Variants in KRT4 observed in about 807,000 individuals in gnomAD.
KRT4 encodes keratin, type II cytoskeletal 4.
A neutral mutation model predicts 50.6 loss-of-function variants in KRT4; 47 were observed. The ratio of observed to expected loss-of-function variants is 0.93; its 90% CI spans 0.73 to 1.18. KRT4 has a LOEUF of 1.18. Among genes scored for constraint, KRT4 ranks in the 50% most tolerant of loss-of-function variants. The probability of loss-of-function intolerance (pLI) is 0.00; values close to 1 mark genes in which losing one functional copy is unlikely to be tolerated. For synonymous variants in KRT4, 254 were observed against 251.2 expected, an observed-to-expected ratio of 1.01 and a Z score of -0.10; for missense variants, 651 against 645.7, an observed-to-expected ratio of 1.01 and a Z score of -0.09.
intron 5 of KRT4, 77 bp from the exon 6 acceptor site, chr12:52,808,496 G>T (rs1032848652): frequency 1.3e-6 from 2 of 1,597,762 alleles, no homozygotes; most frequent in African/African-American, 1.3e-5. Flanking sequence ...AACTCAGTGA[G>T]AATTGCCACA....
In KRT4 at chr12:52,806,932, G is replaced by C. The variant is rs1939806083; in HGVS notation, c.*137C>G. 2.3e-6 allele frequency: 2 copies of C among 852,590 alleles called. No individual in the cohort carries two copies. The highest frequency in any genetic ancestry group is 1.9e-6 in the Non-Finnish European group (1 of 517,372). 52.8% of individuals were successfully genotyped at this position (852,590 alleles called of 1,614,324 possible). On this transcript the variant is annotated 3_prime_UTR_variant, in exon 9 of 9. Transcript: ENST00000551956. ...GCACAGAAGATCATCCTGGGGCAGA[G>C]AGAGCCCATGGGATAGTGGAGGGGA...
rs529778962 is a variant in KRT4 at position 52,810,833 on chromosome 12, G to A, written c.678-17C>T. On this transcript the variant is annotated splice_polypyrimidine_tract_variant and intron_variant, in intron 2 of 8. Coordinates refer to ENST00000551956, the MANE Select transcript of KRT4 (RefSeq NM_002272.4). Reference sequence around the variant, plus strand: ...TCTTCATACCTGGGGGTGGGCACGGGGAGAAAAAGACAAAAACCCACAGTG... The same window carrying A: ...TCTTCATACCTGGGGGTGGGCACGGAGAGAAAAAGACAAAAACCCACAGTG... 6.6e-5 allele frequency: 107 copies of A among 1,610,314 alleles called. 1 individual carries two copies. In the South Asian group the frequency reaches 1.1e-3, roughly 16 times the overall value.
chr12:52,813,056 C>T (rs1274541333), intron 1 of KRT4, among the ~76,000 whole-genome samples: 1 of 152,154 alleles, frequency 6.6e-6, no homozygotes, highest in Non-Finnish European at 1.5e-5. Context: ...AGAAAAGAGA[C>T]CTGTCTCCTT....
rs1360649684 is a variant in KRT4, at chr12:52,807,742, T to C, written c.1248A>G (p.Ala416=). 16 of 1,614,080 alleles carry C rather than the reference T, an allele frequency of 9.9e-6. No individual in the cohort carries two copies. Among genetic ancestry groups the C allele is most frequent in the Non-Finnish European group, 1.4e-5 (16 of 1,180,042 alleles). ...AALQQAKEEL[A]RMLREYQELM... ...GCTCCTGGTACTCACGCAGCATTCG[T>C]GCCAGCTCCTCCTTGGCCTGCTGCA... Residue 416 remains alanine (A), a synonymous_variant, in exon 7 of 9, where the codon GCA becomes GCG. Coordinates refer to ENST00000551956, the MANE Select transcript of KRT4 (RefSeq NM_002272.4).
chr12:52,809,363 G>A lies in KRT4; in HGVS notation c.834+20C>T, dbSNP rs773071573. On this transcript the variant is annotated intron_variant, in intron 4 of 8. Coordinates refer to ENST00000551956, the MANE Select transcript of KRT4 (RefSeq NM_002272.4). ...GGGGGATTCCCTTTCCCTGGATGGAGGGGAGGATGGAGCCCTCACCGCATC... is the reference window on the plus strand; with the variant it reads ...GGGGGATTCCCTTTCCCTGGATGGAAGGGAGGATGGAGCCCTCACCGCATC... 39 of 1,557,392 alleles carry A rather than the reference G, an allele frequency of 2.5e-5. No homozygotes were observed. The highest frequency in any genetic ancestry group is 1.7e-4 in the Middle Eastern group (1 of 5,962).
At chr12:52,807,509 A>T in intron 7 of KRT4, 116 bp from the exon 8 acceptor site, 1 of 1,490,050 alleles carries the variant, frequency 6.7e-7, no homozygotes, top group Non-Finnish European at 9.3e-7. Context: ...GCCCAGTGTG[A>T]ACCTATTAGC....
intron 3 of KRT4, 123 bp downstream of exon 3, chr12:52,810,633 T>C (rs781098959): frequency 4.9e-6 from 4 of 822,006 alleles, no homozygotes; most frequent in East Asian, 2.5e-5. Context: ...TATATAGATC[T>C]AGATAGTTCC....
In KRT4 at chr12:52,810,764, G is replaced by C; in HGVS notation, c.730C>G (p.Leu244Val). The C allele has an allele frequency of 6.2e-7, 1 of 1,614,032 alleles. No homozygotes were observed. The change falls in exon 3 of 9, where the codon CTA becomes GTA. Residue 244 changes from leucine to valine, a missense_variant. By Grantham distance (32) the Leu-to-Val change is conservative. Coordinates refer to ENST00000551956, the MANE Select transcript of KRT4 (RefSeq NM_002272.4). ...RTAAENDFVV[L>V]KKDVDAAYLN... The stretch of plus-strand genomic sequence containing the variant: ...CATCCTTCGTCTCTTACCTTCTTTA[G>C]GACCACAAAGTCATTCTCGGCTGCT...
chr12:52,809,778 AT>A (rs1223538031), intron 3 of KRT4, among the ~76,000 whole-genome samples: 1 of 152,246 alleles, frequency 6.6e-6, no homozygotes, highest in Non-Finnish European at 1.5e-5. Context: ...AAAAGAAATC[AT>A]TGTAACAAAA....
intron 2 of KRT4, 56 bp downstream of exon 2, chr12:52,811,707 C>G (rs1939913323): frequency 2.8e-6 from 4 of 1,432,638 alleles, no homozygotes; most frequent in Non-Finnish European, 3.9e-6. Context: ...CCCCGGGAGC[C>G]TGGGTGTGGC....
chr12:52,811,614 G>C, intron 2 of KRT4, 149 bp downstream of exon 2: 1 of 675,758 alleles, frequency 1.5e-6, no homozygotes, highest in Non-Finnish European at 2.6e-6. Context: ...CTGAGAAAAC[G>C]TGACTATGTG....
At chr12:52,807,606 C>T in intron 7 of KRT4, 38 bp downstream of exon 7, 1 of 1,605,502 alleles carries the variant, frequency 6.2e-7, no homozygotes, top group Non-Finnish European at 8.5e-7. Flanking sequence ...CCCTGGACCT[C>T]TCTGGCCCTC....
rs184528669 is a variant in KRT4, at chr12:52,809,129, C to T, written c.834+254G>A. On this transcript the variant is annotated intron_variant, in intron 4 of 8. Transcript: ENST00000551956. ...GATCCATTTCACCAGAAAAAAAATG[C>T]TAGACAGCAATGAATTCTATTCCAA... The T allele has an allele frequency of 1.4e-5, 9 of 620,984 alleles. No individual in the cohort carries two copies. The East Asian group carries it at 2.2e-4, about 15-fold the overall frequency. The allele number at this position is 620,984 out of a possible 1,614,324, so 38.5% of individuals were successfully genotyped here.
rs1939802309 is a variant in KRT4, at chr12:52,806,721, G to A, written c.*348C>T. On this transcript the variant is annotated 3_prime_UTR_variant, in exon 9 of 9. Transcript: ENST00000551956. Reference sequence around the variant, plus strand: ...AGATGGATAATACAGGATCTAGTGGGAGATGGCATTGGACTGGGAAGGGAC... The same window carrying A: ...AGATGGATAATACAGGATCTAGTGGAAGATGGCATTGGACTGGGAAGGGAC... The A allele has an allele frequency of 5.3e-6, 2 of 378,366 alleles. No homozygotes were observed. Among genetic ancestry groups the A allele is most frequent in the African/African-American group, 4.2e-5 (2 of 48,188 alleles). 23.4% of individuals were successfully genotyped at this position (378,366 alleles called of 1,614,324 possible). A position where few individuals can be genotyped will look rare whatever the true frequency, so the allele number is the denominator to read the frequency against.
At position 52,811,969 on chromosome 12, in the gene KRT4, G is replaced by C. The variant is rs1939920729; in HGVS notation, c.471C>G (p.Phe157Leu). The change falls in exon 2 of 9, where the codon TTC becomes TTG. Residue 157 changes from phenylalanine to leucine, a missense_variant. Physicochemically the swap from Phe to Leu is conservative, Grantham distance 22. Transcript: ENST00000551956. ...KFASFIDKVQ[F>L]LEQQNKVLET... ...CCAGGACCTTATTCTGTTGCTCTAAGAACTGCACCTGTGTTGATAAAGGCA... is the reference window on the plus strand; with the variant it reads ...CCAGGACCTTATTCTGTTGCTCTAACAACTGCACCTGTGTTGATAAAGGCA... The C allele has an allele frequency of 3.7e-6, 6 of 1,613,274 alleles. No individual in the cohort carries two copies. The highest frequency in any genetic ancestry group is 2.7e-5 in the African/African-American group (2 of 75,016).
At chr12:52,807,987 A>G in intron 6 of KRT4, 123 bp from the exon 7 acceptor site, 1 of 906,688 alleles carries the variant, frequency 1.1e-6, no homozygotes, top group South Asian at 1.4e-5. Flanking sequence ...TGTTCTGCCC[A>G]CTTTCCCTGA....
chr12:52,812,212 G>C (rs948247170), intron 1 of KRT4, among the ~76,000 whole-genome samples: 2 of 152,204 alleles, frequency 1.3e-5, no homozygotes, highest in African/African-American at 4.8e-5. Flanking sequence ...AGCACAGCCA[G>C]AGAAGCAGGG....
rs770656362 is a variant in KRT4, at chr12:52,809,488, A to C, written c.739-10T>G. ...AGGCAGCATCCACGTCCTGCAGAGGAGTAAGGAGGATAAGAGATGAGGAGC... is the reference window on the plus strand; with the variant it reads ...AGGCAGCATCCACGTCCTGCAGAGGCGTAAGGAGGATAAGAGATGAGGAGC... On this transcript the variant is annotated splice_polypyrimidine_tract_variant and intron_variant, in intron 3 of 8. Coordinates refer to ENST00000551956, the MANE Select transcript of KRT4 (RefSeq NM_002272.4). 2.5e-6 allele frequency: 4 copies of C among 1,599,998 alleles called. No homozygotes were observed. The South Asian group carries it at 4.4e-5, about 18-fold the overall frequency.
rs377329227 is a variant in KRT4, at chr12:52,807,731, C to T, written c.1259G>A (p.Arg420His). 186 of 1,614,084 alleles carry T rather than the reference C, an allele frequency of 1.2e-4. No individual in the cohort carries two copies. The highest frequency in any genetic ancestry group is 4.3e-4 in the African/African-American group (32 of 74,932). The change falls in exon 7 of 9, where the codon CGT becomes CAT. Residue 420 changes from arginine to histidine, a missense_variant. Transcript: ENST00000551956. ...CACACTCATGAGCTCCTGGTACTCACGCAGCATTCGTGCCAGCTCCTCCTT... is the reference window on the plus strand; with the variant it reads ...CACACTCATGAGCTCCTGGTACTCATGCAGCATTCGTGCCAGCTCCTCCTT... The part of the protein sequence containing the change: ...QAKEELARML[R>H]EYQELMSVKL...
Sources: gnomAD v4.1 joint callset for allele counts (sites outside exome capture counted in the v4.1 genomes callset) on GRCh38, gnomAD v4.1.1 for gene constraint, MANE v1.5 for transcripts, NCBI Gene and HGNC (gene_info 2026-07-23, HGNC 2026-07-21) for gene names.